NCKAP5: variants seen among roughly 807,000 people sequenced by gnomAD.
NCKAP5 encodes nck-associated protein 5.
Under a neutral mutation model 167.0 loss-of-function variants are expected in NCKAP5, and 92 were observed. The observed-to-expected ratio is 0.55, with a 90% CI of 0.47 to 0.66. NCKAP5 has a LOEUF of 0.66. NCKAP5 is among the 30% of genes least tolerant of loss of function. NCKAP5 has a pLI of 0.00. For synonymous variants in NCKAP5, 891 were observed against 877.4 expected (o/e 1.02, Z -0.27); for missense variants, 2,378 against 2,315.0 (o/e 1.03, Z -0.56).
At chr2:132,841,141 G>C (rs1688268516) in intron 11 of NCKAP5, among the ~76,000 whole-genome samples, 1 of 152,030 alleles carries the variant, frequency 6.6e-6, no homozygotes, top group Admixed American at 6.6e-5. Flanking sequence ...AGTTCAGTCT[G>C]ATATCTAGCA....
At chr2:133,010,407 G>T (rs2078117262) in intron 6 of NCKAP5, among the ~76,000 whole-genome samples, 1 of 152,158 alleles carries the variant, frequency 6.6e-6, no homozygotes. Flanking sequence ...TGCACTTAAA[G>T]TTATGTTCAC....
the NCKAP5 span, among the ~76,000 whole-genome samples, chr2:133,668,038 A>T: frequency 2.0e-5 from 3 of 151,864 alleles, no homozygotes; most frequent in Non-Finnish European, 4.4e-5. Flanking sequence ...ACAATATGTG[A>T]CCTCTTACAT....
intron 3 of NCKAP5, among the ~76,000 whole-genome samples, chr2:133,401,410 G>A (rs910538786): frequency 4.0e-4 from 61 of 152,278 alleles, no homozygotes; most frequent in African/African-American, 1.4e-3. Flanking sequence ...CAGGTCATGG[G>A]CACTCTCAGT....
intron 8 of NCKAP5, among the ~76,000 whole-genome samples, chr2:132,913,130 G>C (rs1694587321): frequency 6.6e-6 from 1 of 151,812 alleles, no homozygotes; most frequent in Admixed American, 6.6e-5. Context: ...GATATGCCCT[G>C]GTGATCGTAG....
the NCKAP5 span, among the ~76,000 whole-genome samples, chr2:133,627,534 G>A: frequency 6.6e-6 from 1 of 152,132 alleles, no homozygotes; most frequent in Admixed American, 6.5e-5. Flanking sequence ...CAGCACCTGG[G>A]GAGATCGAGG....
chr2:133,067,817 T>G (rs1573929461), intron 6 of NCKAP5, among the ~76,000 whole-genome samples: 1 of 152,172 alleles, frequency 6.6e-6, no homozygotes, highest in Admixed American at 6.5e-5. Context: ...GAGATTAACA[T>G]GCAGGGAATT....
intron 3 of NCKAP5, among the ~76,000 whole-genome samples, chr2:133,356,158 C>G (rs1438847042): frequency 6.6e-6 from 1 of 152,090 alleles, no homozygotes; most frequent in Non-Finnish European, 1.5e-5. Flanking sequence ...AGCTCCTGGA[C>G]TCAAGCAATC....
intron 8 of NCKAP5, among the ~76,000 whole-genome samples, chr2:132,905,482 T>C (rs898546087): frequency 1.3e-5 from 2 of 152,206 alleles, no homozygotes; most frequent in African/African-American, 4.8e-5. Flanking sequence ...ATTCTTCCCA[T>C]AGCTCTCCTC....
At chr2:133,506,255 T>A (rs1682995124) in intron 3 of NCKAP5, among the ~76,000 whole-genome samples, 1 of 152,210 alleles carries the variant, frequency 6.6e-6, no homozygotes, top group African/African-American at 2.4e-5. Context: ...TCCAAGGGAA[T>A]AGACTGGAAA....
chr2:133,514,328 A>G (rs1395570772), intron 3 of NCKAP5, among the ~76,000 whole-genome samples: 2 of 152,240 alleles, frequency 1.3e-5, no homozygotes, highest in Admixed American at 6.5e-5. Context: ...TTACCAGGGC[A>G]CACACACATG....
At chr2:132,877,566 TA>T (rs1691381292) in intron 9 of NCKAP5, among the ~76,000 whole-genome samples, 1 of 152,124 alleles carries the variant, frequency 6.6e-6, no homozygotes, top group Non-Finnish European at 1.5e-5. Flanking sequence ...AATGAGGCCC[TA>T]GGGGAGGCTG....
chr2:133,613,903 C>T, the NCKAP5 span, among the ~76,000 whole-genome samples: 2 of 152,152 alleles, frequency 1.3e-5, no homozygotes, highest in Non-Finnish European at 2.9e-5. Context: ...CCTTGTGTTG[C>T]CTTCTTTCTC....
At chr2:133,071,348 G>C (rs1349969865) in intron 6 of NCKAP5, among the ~76,000 whole-genome samples, 2 of 151,962 alleles carry the variant, frequency 1.3e-5, no homozygotes, top group Non-Finnish European at 2.9e-5. Context: ...GGGAGGCTGA[G>C]GCAGGAGAAT....
chr2:133,391,316 AC>A (rs1199396015), intron 3 of NCKAP5: 1 of 159,898 alleles, frequency 6.3e-6, no homozygotes, highest in Admixed American at 6.5e-5. Flanking sequence ...GGAAGGAGAC[AC>A]CTGCCTAGGC....
At chr2:132,883,788 G>A (rs1273785708) in intron 8 of NCKAP5, among the ~76,000 whole-genome samples, 1 of 152,164 alleles carries the variant, frequency 6.6e-6, no homozygotes, top group African/African-American at 2.4e-5. Flanking sequence ...AGTGTTCTCT[G>A]TTATTGATAA....
At chr2:132,678,358 A>G (rs142606671) in intron 19 of NCKAP5, among the ~76,000 whole-genome samples, 9 of 152,276 alleles carry the variant, frequency 5.9e-5, no homozygotes, top group Admixed American at 6.5e-5. Flanking sequence ...TCTTAAAAAT[A>G]TTGGTTAGTA....
At chr2:132,966,168 C>T (rs1033516143) in intron 7 of NCKAP5, among the ~76,000 whole-genome samples, 18 of 152,136 alleles carry the variant, frequency 1.2e-4, no homozygotes, top group African/African-American at 4.3e-4. Context: ...GGTGCGATCT[C>T]AGCTCACTGC....
chr2:133,174,545 G>A (rs1443415558), intron 5 of NCKAP5, among the ~76,000 whole-genome samples: 1 of 151,974 alleles, frequency 6.6e-6, no homozygotes, highest in Non-Finnish European at 1.5e-5. Context: ...ATCCATCACC[G>A]AGGTTAATTG....
At chr2:133,300,112 G>C (rs1448869047) in intron 4 of NCKAP5, among the ~76,000 whole-genome samples, 1 of 130,512 alleles carries the variant, frequency 7.7e-6, no homozygotes, top group Non-Finnish European at 1.6e-5. Context: ...CCAATAACAG[G>C]CTCTGAAATT....
Sources: allele counts gnomAD v4.1 joint callset (sites outside exome capture counted in the v4.1 genomes callset), GRCh38; gene constraint gnomAD v4.1.1; transcripts MANE v1.5; gene names NCBI Gene and HGNC (gene_info 2026-07-23, HGNC 2026-07-21).